The following PIGK variants were observed in gnomAD, a reference collection of about 807,000 sequenced individuals.
PIGK encodes GPI-anchor transamidase.
PIGK carries 42 observed loss-of-function variants against 50.6 expected under a neutral mutation model. That is an observed-to-expected ratio of 0.83 (90% CI 0.65 to 1.07). The LOEUF (loss-of-function observed/expected upper bound fraction) is 1.07, where lower values mean the gene tolerates loss of function less well. PIGK is among the 50% of genes least tolerant of loss of function. The pLI is 0.00. For synonymous variants in PIGK, 151 were observed against 156.0 expected (o/e 0.97, Z 0.24); for missense variants, 448 against 488.7 (o/e 0.92, Z 0.78).
In PIGK at chr1:77,090,302, A is replaced by T. The variant is rs1653266896; in HGVS notation, c.*2072T>A. 1 of 152,226 alleles carries T rather than the reference A, an allele frequency of 6.6e-6. No individual in the cohort carries two copies. The allele number at this position is 152,226 out of a possible 1,614,324, so 9.4% of individuals were successfully genotyped here. ...AAACGTACTCATCTACCACATGCAG[A>T]GGATTTAGTTATTATGAAGGCAGAG... is the stretch of plus-strand genomic sequence containing the variant. On this transcript the variant is annotated 3_prime_UTR_variant, in exon 11 of 11. Coordinates refer to ENST00000370812, the MANE Select transcript of PIGK (RefSeq NM_005482.3).
intron 3 of PIGK, among the ~76,000 whole-genome samples, chr1:77,204,847 T>C (rs1656254240): frequency 6.6e-6 from 1 of 152,174 alleles, no homozygotes; most frequent in Non-Finnish European, 1.5e-5. Flanking sequence ...AATCATACAT[T>C]TATTTATTTA....
At chr1:77,189,020 T>C (rs571613677) in intron 3 of PIGK, among the ~76,000 whole-genome samples, 11 of 152,346 alleles carry the variant, frequency 7.2e-5, no homozygotes, top group Admixed American at 4.6e-4. Context: ...CCTCCCTCTT[T>C]TGTTAAAAAC....
intron 10 of PIGK, among the ~76,000 whole-genome samples, chr1:77,104,980 G>A (rs112838703): frequency 4.6e-5 from 7 of 152,302 alleles, no homozygotes; most frequent in East Asian, 1.9e-4. Flanking sequence ...CTCTACTAGC[G>A]AGGGTAAAAG....
At chr1:77,114,069 A>G (rs1009711163) in intron 10 of PIGK, among the ~76,000 whole-genome samples, 7 of 152,142 alleles carry the variant, frequency 4.6e-5, no homozygotes, top group Non-Finnish European at 8.8e-5. Context: ...TTCTTCCAAA[A>G]TACATTTTCA....
In PIGK at chr1:77,178,491, ATC is replaced by A. The variant is rs1410315339; in HGVS notation, c.240-9098_240-9097del. 3.3e-5 allele frequency among the ~76,000 whole-genome samples: 5 copies of A among 152,266 alleles called. No individual in the cohort carries two copies. In the East Asian group the frequency reaches 7.7e-4, roughly 23 times the overall value. ...AACACAATTGGCTACACAGAAAAGT[ATC>A]TCTGCAGCTGCTGGCATTTGTGGTC... On this transcript the variant is annotated intron_variant, in intron 3 of 10. Transcript: ENST00000370812.
At chr1:77,147,994 A>C (rs910348288) in intron 9 of PIGK, among the ~76,000 whole-genome samples, 10 of 152,230 alleles carry the variant, frequency 6.6e-5, no homozygotes, top group African/African-American at 2.4e-4. Context: ...TACTACACAA[A>C]ATATAAAATA....
chr1:77,169,747 A>C (rs1655319195), intron 3 of PIGK, among the ~76,000 whole-genome samples: 1 of 152,240 alleles, frequency 6.6e-6, no homozygotes, highest in African/African-American at 2.4e-5. Context: ...ACTTTATGCC[A>C]CATAGCAAAG....
chr1:77,159,397 C>A (rs1376973090), intron 8 of PIGK, among the ~76,000 whole-genome samples: 1 of 152,134 alleles, frequency 6.6e-6, no homozygotes, highest in Non-Finnish European at 1.5e-5. Flanking sequence ...GGGGTTGGAG[C>A]CCCCACACAG....
At chr1:77,093,220 C>A (rs183819664) in intron 10 of PIGK, among the ~76,000 whole-genome samples, 262 of 152,180 alleles carry the variant, frequency 1.7e-3, no homozygotes, top group African/African-American at 6.1e-3. Flanking sequence ...TATCTCCCTG[C>A]ACACTCCCTG....
chr1:77,134,355 G>T (rs1201468928), intron 9 of PIGK, among the ~76,000 whole-genome samples: 15 of 152,186 alleles, frequency 9.9e-5, no homozygotes, highest in Non-Finnish European at 1.8e-4. Context: ...GTTATCAGAT[G>T]TTTTTTGCTT....
At chr1:77,171,566 GTA>G (rs1459710080) in intron 3 of PIGK, among the ~76,000 whole-genome samples, 3 of 149,154 alleles carry the variant, frequency 2.0e-5, no homozygotes, top group African/African-American at 7.4e-5. Flanking sequence ...TCAGAAAGAA[GTA>G]CTAACTTCAA....
intron 10 of PIGK, among the ~76,000 whole-genome samples, chr1:77,108,362 T>G (rs1653745262): frequency 6.6e-6 from 1 of 152,176 alleles, no homozygotes; most frequent in Non-Finnish European, 1.5e-5. Flanking sequence ...TTAGTTTGGC[T>G]GCATATGAAA....
intron 9 of PIGK, 144 bp from the exon 10 acceptor site, chr1:77,122,503 C>A: frequency 1.7e-6 from 1 of 577,050 alleles, no homozygotes; most frequent in Admixed American, 3.2e-5. Context: ...ATCTTTGAAA[C>A]ACTACCATTG....
At chr1:77,131,941 C>T (rs1654380153) in intron 9 of PIGK, among the ~76,000 whole-genome samples, 1 of 151,974 alleles carries the variant, frequency 6.6e-6, no homozygotes, top group South Asian at 2.1e-4. Flanking sequence ...ATTATGTCAG[C>T]ACCTCAAGTG....
chr1:77,142,952 A>G (rs1654682928), intron 9 of PIGK, among the ~76,000 whole-genome samples: 1 of 152,142 alleles, frequency 6.6e-6, no homozygotes, highest in South Asian at 2.1e-4. Flanking sequence ...TAGCACTAGG[A>G]GGGGGCAATT....
intron 3 of PIGK, among the ~76,000 whole-genome samples, chr1:77,205,214 A>G (rs1487114805): frequency 6.6e-6 from 1 of 152,088 alleles, no homozygotes; most frequent in Non-Finnish European, 1.5e-5. Flanking sequence ...GTGATTCTCT[A>G]GAAGAGTATA....
intron 9 of PIGK, among the ~76,000 whole-genome samples, chr1:77,124,222 C>A (rs2100529705): frequency 6.6e-6 from 1 of 152,172 alleles, no homozygotes; most frequent in African/African-American, 2.4e-5. Context: ...AAAAAATAAA[C>A]TAAAGTAAAT....
At position 77,154,499 on chromosome 1, in the gene PIGK, A is replaced by C; in HGVS notation, c.936T>G (p.Ile312Met). 6.2e-7 allele frequency: 1 copy of C among 1,612,284 alleles called. No homozygotes were observed. ...DFFGSVRKVE[I>M]TTETIKLQQD... ...GTTGCAATTTAATAGTCTCTGTTGT[A>C]ATTTCCACTTTCCGTACACTTCCAA... is the stretch of plus-strand genomic sequence containing the variant. The change falls in exon 9 of 11, where the codon ATT becomes ATG. Residue 312 changes from isoleucine (I) to methionine (M), a missense_variant. Ile to Met is a conservative substitution (Grantham distance 10, BLOSUM62 1). Coordinates refer to ENST00000370812, the MANE Select transcript of PIGK (RefSeq NM_005482.3).
At chr1:77,144,890 C>T (rs1207726707) in intron 9 of PIGK, among the ~76,000 whole-genome samples, 1 of 151,752 alleles carries the variant, frequency 6.6e-6, no homozygotes, top group Non-Finnish European at 1.5e-5. Flanking sequence ...AAGTGACAAA[C>T]AGCTGTAAAT....
Sources: allele counts gnomAD v4.1 joint callset (sites outside exome capture counted in the v4.1 genomes callset), GRCh38; gene constraint gnomAD v4.1.1; transcripts MANE v1.5; gene names NCBI Gene and HGNC (gene_info 2026-07-23, HGNC 2026-07-21).